The following MAST2 variants were observed in gnomAD, a reference collection of about 807,000 sequenced individuals.
The protein encoded by MAST2 is microtubule-associated serine/threonine-protein kinase 2.
MAST2 carries 70 observed loss-of-function variants against 147.4 expected under a neutral mutation model. The ratio of observed to expected loss-of-function variants is 0.47; its 90% CI spans 0.39 to 0.58. The LOEUF is 0.58. Among genes scored for constraint, MAST2 ranks in the 20% least tolerant of loss-of-function variants. MAST2 has a pLI of 0.00. For synonymous variants in MAST2, 869 were observed against 896.8 expected (o/e 0.97, Z 0.55); for missense variants, 2,080 against 2,302.3 (o/e 0.90, Z 1.98).
chr1:45,965,427 AT>A (rs1161347595), intron 5 of MAST2, among the ~76,000 whole-genome samples: 1 of 152,144 alleles, frequency 6.6e-6, no homozygotes. Context: ...GTGCACATAT[AT>A]TTAGGATAGT....
intron 5 of MAST2, among the ~76,000 whole-genome samples, chr1:45,994,274 C>CTTTT (rs869216588): frequency 2.3e-4 from 14 of 62,026 alleles, no homozygotes; most frequent in South Asian, 1.7e-3. Context: ...CCCTAACCCT[C>CTTTT]TTTTTTTTTT....
intron 3 of MAST2, among the ~76,000 whole-genome samples, chr1:45,839,129 A>ATTTT (rs370950575): frequency 7.8e-6 from 1 of 127,608 alleles, no homozygotes. Flanking sequence ...ACCATCACAA[A>ATTTT]TTTTTTTTTT....
chr1:45,909,876 C>G (rs186098654), intron 4 of MAST2, among the ~76,000 whole-genome samples: 33 of 151,660 alleles, frequency 2.2e-4, no homozygotes, highest in African/African-American at 7.5e-4. Context: ...GCAGTGGTGC[C>G]GTCTCGGCTC....
chr1:45,905,821 C>T (rs1298048066), intron 4 of MAST2, among the ~76,000 whole-genome samples: 1 of 151,738 alleles, frequency 6.6e-6, no homozygotes, highest in Non-Finnish European at 1.5e-5. Flanking sequence ...CTACCCCTAA[C>T]CCCCATCAAA....
intron 3 of MAST2, among the ~76,000 whole-genome samples, chr1:45,865,744 C>A (rs1197853954): frequency 6.6e-6 from 1 of 152,132 alleles, no homozygotes; most frequent in Non-Finnish European, 1.5e-5. Flanking sequence ...TGATAGGCAA[C>A]CTTCAACTGA....
intron 11 of MAST2, among the ~76,000 whole-genome samples, chr1:46,021,393 C>T (rs1419082855): frequency 9.2e-5 from 14 of 152,216 alleles, no homozygotes. Context: ...GCCTTGATTT[C>T]CTCAGTGAGG....
chr1:45,928,741 G>A (rs888780325), intron 4 of MAST2, among the ~76,000 whole-genome samples: 1 of 151,600 alleles, frequency 6.6e-6, no homozygotes, highest in Non-Finnish European at 1.5e-5. Flanking sequence ...CCAGAAGCCT[G>A]GCTAATTTTT....
chr1:45,810,736 G>A (rs1432282757), intron 1 of MAST2, among the ~76,000 whole-genome samples: 13 of 148,788 alleles, frequency 8.7e-5, no homozygotes, highest in South Asian at 6.6e-4. Context: ...GCTTGAACCC[G>A]GGAGGTGGAG....
chr1:45,882,731 T>C (rs1182405239), intron 4 of MAST2, among the ~76,000 whole-genome samples: 3 of 152,206 alleles, frequency 2.0e-5, no homozygotes, highest in Non-Finnish European at 4.4e-5. Flanking sequence ...GTAGGAATAT[T>C]AAAATGGAAA....
At position 46,022,020 on chromosome 1, in the gene MAST2, T is replaced by G; in HGVS notation, c.1361T>G (p.Ile454Ser). The change falls in exon 12 of 29, where the codon ATT (isoleucine) becomes AGT (serine). Residue 454 changes from isoleucine (I) to serine (S), a missense_variant. Ile to Ser is a moderately radical substitution (Grantham distance 142, BLOSUM62 -2). Around this residue, in one of 4 missense-constraint regions of MAST2, gnomAD observed 569 missense variants for 642.5 expected, o/e 0.89. Coordinates refer to ENST00000361297, the MANE Select transcript of MAST2 (RefSeq NM_015112.3). ...AEGHAKEGQG[I>S]KCDIPRYIVS... Reference sequence around the variant, plus strand: ...GGCCACGCCAAAGAGGGACAAGGGATTAAATGTGACATTCCCCGCTACATC... The same window carrying G: ...GGCCACGCCAAAGAGGGACAAGGGAGTAAATGTGACATTCCCCGCTACATC... The G allele has an allele frequency of 6.2e-7, 1 of 1,614,134 alleles. No individual in the cohort carries two copies. Among genetic ancestry groups the G allele is most frequent in the Non-Finnish European group, 8.5e-7 (1 of 1,180,004 alleles).
intron 4 of MAST2, chr1:45,917,206 A>T: frequency 2.5e-6 from 1 of 395,828 alleles, no homozygotes; most frequent in Non-Finnish European, 4.6e-6. Context: ...CTGAAGTATG[A>T]TATTGGAGAA....
At chr1:45,835,870 G>T (rs576941778) in intron 3 of MAST2, among the ~76,000 whole-genome samples, 1 of 152,056 alleles carries the variant, frequency 6.6e-6, no homozygotes, top group South Asian at 2.1e-4. Context: ...GTGCCCTTTT[G>T]TGCCTGGCTT....
chr1:45,969,629 T>G (rs1269836211), intron 5 of MAST2, among the ~76,000 whole-genome samples: 4 of 151,918 alleles, frequency 2.6e-5, no homozygotes, highest in Non-Finnish European at 4.4e-5. Context: ...GATCTGTCAC[T>G]GTCTCCCATG....
chr1:46,025,844 A>G (rs1557500077), intron 16 of MAST2, 29 bp downstream of exon 16: 2 of 1,613,956 alleles, frequency 1.2e-6, no homozygotes, highest in South Asian at 2.2e-5. Context: ...TCCCTTGTCC[A>G]GGGTCTCCCT....
At chr1:45,918,139 G>A (rs1652861577) in intron 4 of MAST2, among the ~76,000 whole-genome samples, 1 of 152,146 alleles carries the variant, frequency 6.6e-6, no homozygotes, top group Non-Finnish European at 1.5e-5. Context: ...GTGCTTCTGA[G>A]AAAAATAAAG....
intron 5 of MAST2, among the ~76,000 whole-genome samples, chr1:45,961,858 G>C (rs1299535745): frequency 1.3e-5 from 2 of 151,970 alleles, no homozygotes; most frequent in African/African-American, 4.8e-5. Flanking sequence ...TGCCATGTTG[G>C]TGTGCTGCAC....
chr1:45,934,518 TG>T (rs1479312450), intron 4 of MAST2, among the ~76,000 whole-genome samples: 53 of 152,138 alleles, frequency 3.5e-4, no homozygotes, highest in African/African-American at 1.2e-3. Flanking sequence ...CCCTGCCTTC[TG>T]GGTTCAAGTG....
Position 46,022,000 on chromosome 1 carries a change from C to T in MAST2, c.1341C>T (p.His447=), listed in dbSNP as rs778258982. The change falls in exon 12 of 29, where the codon CAC becomes CAT. Residue 447 remains histidine (H), a synonymous_variant. Transcript: ENST00000361297. ...ACCTTTTAGAAGCAGCTGAGGGCCA[C>T]GCCAAAGAGGGACAAGGGATTAAAT... is the stretch of plus-strand genomic sequence containing the variant. ...FYHLLEAAEG[H]AKEGQGIKCD... 3.0e-5 allele frequency: 49 copies of T among 1,614,074 alleles called. No homozygotes were observed. Among genetic ancestry groups the T allele is most frequent in the Non-Finnish European group, 3.6e-5 (42 of 1,180,030 alleles).
chr1:45,834,732 A>G (rs1419374304), intron 3 of MAST2, among the ~76,000 whole-genome samples: 2 of 152,186 alleles, frequency 1.3e-5, no homozygotes, highest in African/African-American at 4.8e-5. Context: ...GAATAAACAT[A>G]CTGGAGCCTA....
Sources: gnomAD v4.1 joint callset for allele counts (sites outside exome capture counted in the v4.1 genomes callset) on GRCh38, gnomAD v4.1.1 for gene constraint, gnomAD v4.1.1 regional missense constraint, MANE v1.5 for transcripts, NCBI Gene and HGNC (gene_info 2026-07-23, HGNC 2026-07-21) for gene names.